The following MRPL15 variants were observed in gnomAD, a reference collection of about 807,000 sequenced individuals.
MRPL15 encodes the protein mitochondrial ribosomal protein L15.
In MRPL15, 24 loss-of-function variants were observed where a neutral mutation model predicts 28.0. That is an observed-to-expected ratio of 0.86 (90% CI 0.62 to 1.21). MRPL15 has a LOEUF of 1.21. Among genes scored for constraint, MRPL15 ranks in the 50% most tolerant of loss-of-function variants. The pLI is 0.00. For synonymous variants in MRPL15, 124 were observed against 137.0 expected, an observed-to-expected ratio of 0.90 and a Z score of 0.66; for missense variants, 343 against 372.4, an observed-to-expected ratio of 0.92 and a Z score of 0.65.
intron 1 of MRPL15, 87 bp downstream of exon 1, chr8:54,135,478 C>A (rs923267086): frequency 8.9e-7 from 1 of 1,123,924 alleles, no homozygotes; most frequent in Non-Finnish European, 1.2e-6. Context: ...GAGAACTGCC[C>A]TTTCTAGGAG....
intron 3 of MRPL15, among the ~76,000 whole-genome samples, chr8:54,140,537 G>C (rs1810904171): frequency 6.8e-6 from 1 of 147,248 alleles, no homozygotes; most frequent in South Asian, 2.2e-4. Flanking sequence ...TGCTAGGATT[G>C]AGTCACCGCA....
chr8:54,146,497 G>A (rs1438893623), intron 4 of MRPL15, among the ~76,000 whole-genome samples: 3 of 151,954 alleles, frequency 2.0e-5, no homozygotes, highest in Non-Finnish European at 4.4e-5. Flanking sequence ...CGCCCTGGTG[G>A]GTGATAGTTA....
chr8:54,137,950 CTTTTTTTTTTG>C (rs1563716002), intron 3 of MRPL15, among the ~76,000 whole-genome samples: 1 of 148,266 alleles, frequency 6.7e-6, no homozygotes, highest in Non-Finnish European at 1.5e-5. Context: ...AGCTTGCCTT[CTTTTTTTTTTG>C]TTTTTGTTTT....
chr8:54,147,476 T>G lies in MRPL15; in HGVS notation c.648T>G (p.Asp216Glu), dbSNP rs1191195368. 2 of 1,614,096 alleles carry G rather than the reference T, an allele frequency of 1.2e-6. No homozygotes were observed. Among genetic ancestry groups the G allele is most frequent in the East Asian group, 2.2e-5 (1 of 44,890 alleles). Residue 216 changes from aspartate (D) to glutamate (E), a missense_variant, in exon 5 of 5, where the codon GAT becomes GAG. Transcript: ENST00000260102. ...PPEELVPYYT[D>E]AKNRGYLADP... ...AAGAACTGGTACCATATTACACTGA[T>G]GCAAAGAACCGTGGGTACCTGGCGG...
Position 54,148,322 on chromosome 8 carries a change from G to A in MRPL15, c.*603G>A, listed in dbSNP as rs564316340. Among the ~76,000 whole-genome samples, 20 of 152,332 alleles carry A rather than the reference G, an allele frequency of 1.3e-4. No individual in the cohort carries two copies. The highest frequency in any genetic ancestry group is 4.8e-4 in the African/African-American group (20 of 41,562). On this transcript the variant is annotated 3_prime_UTR_variant, in exon 5 of 5. Transcript: ENST00000260102. ...ATTTTCTCAATTCTGTGGTAGAAGTGTTACAGGCAGGCCTTTGTTCTTAGA... is the reference window on the plus strand; with the variant it reads ...ATTTTCTCAATTCTGTGGTAGAAGTATTACAGGCAGGCCTTTGTTCTTAGA...
Position 54,147,813 on chromosome 8 carries a change from TC to T in MRPL15, c.*96del. The T allele has an allele frequency of 8.8e-7, 1 of 1,134,264 alleles. No homozygotes were observed. Among genetic ancestry groups the T allele is most frequent in the Non-Finnish European group, 1.2e-6 (1 of 810,846 alleles). The allele number at this position is 1,134,264 out of a possible 1,614,324, so 70.3% of individuals were successfully genotyped here. On this transcript the variant is annotated 3_prime_UTR_variant, in exon 5 of 5. Transcript: ENST00000260102. ...ATTGCATTTTCCTTATGTATAATTTTCCAGATGGTGATGTTACTTTTCAGTG... is the reference window on the plus strand; with the variant it reads ...ATTGCATTTTCCTTATGTATAATTTTCAGATGGTGATGTTACTTTTCAGTG...
At chr8:54,136,408 C>A in intron 1 of MRPL15, 103 bp from the exon 2 acceptor site, 1 of 1,275,664 alleles carries the variant, frequency 7.8e-7, no homozygotes, top group Non-Finnish European at 1.1e-6. Flanking sequence ...TTAGCTAGCA[C>A]TGGTGGGCTG....
chr8:54,136,733 G>T (rs1810834293), intron 2 of MRPL15, 68 bp downstream of exon 2: 2 of 1,512,386 alleles, frequency 1.3e-6, no homozygotes, highest in Admixed American at 4.4e-5. Context: ...AAAATAGTTT[G>T]GTAGAAATTT....
At chr8:54,140,574 C>CTTTTTTTTTTTT (rs71551976) in intron 3 of MRPL15, among the ~76,000 whole-genome samples, 6,984 of 98,856 alleles carry the variant, frequency 0.071, 882 homozygotes, top group East Asian at 0.38. Context: ...ATTTTCTTTT[C>CTTTTTTTTTTTT]TTTTTTTTTT....
chr8:54,147,875 G>A lies in MRPL15; in HGVS notation c.*156G>A. ...TCTCATTTTCATCTAAAATTAAATG[G>A]CAGGAAACAAGGACTGCATAGAGAA... On this transcript the variant is annotated 3_prime_UTR_variant, in exon 5 of 5. Transcript: ENST00000260102. 1.5e-6 allele frequency: 1 copy of A among 676,270 alleles called. No homozygotes were observed. Among genetic ancestry groups the A allele is most frequent in the Non-Finnish European group, 2.4e-6 (1 of 420,286 alleles). 41.9% of individuals were successfully genotyped at this position (676,270 alleles called of 1,614,324 possible). A position where few individuals can be genotyped will look rare whatever the true frequency, so the allele number is the denominator to read the frequency against.
At chr8:54,145,673 A>G (rs1056626326) in intron 4 of MRPL15, among the ~76,000 whole-genome samples, 12 of 152,172 alleles carry the variant, frequency 7.9e-5, no homozygotes, top group African/African-American at 2.6e-4. Flanking sequence ...ATGAGGTCTC[A>G]CTATGTTGCT....
chr8:54,146,034 G>A (rs1811039469), intron 4 of MRPL15, among the ~76,000 whole-genome samples: 1 of 152,202 alleles, frequency 6.6e-6, no homozygotes, highest in Non-Finnish European at 1.5e-5. Flanking sequence ...GCTAGGTGAT[G>A]CAATATATTA....
intron 4 of MRPL15, among the ~76,000 whole-genome samples, chr8:54,144,876 T>A (rs956735554): frequency 3.9e-5 from 6 of 152,204 alleles, no homozygotes; most frequent in African/African-American, 7.2e-5. Context: ...TCACTCAGTT[T>A]TTAGGGTAGG....
At chr8:54,136,882 T>A (rs79293651) in intron 2 of MRPL15, among the ~76,000 whole-genome samples, 1 of 152,318 alleles carries the variant, frequency 6.6e-6, no homozygotes, top group East Asian at 1.9e-4. Flanking sequence ...AAATGGAGAT[T>A]CTAATGCCAG....
intron 3 of MRPL15, among the ~76,000 whole-genome samples, chr8:54,141,071 C>T (rs976993265): frequency 6.6e-5 from 10 of 152,138 alleles, no homozygotes; most frequent in African/African-American, 2.4e-4. Flanking sequence ...CTGCTCCAGC[C>T]TGCATATTCC....
chr8:54,136,662 A>G lies in MRPL15; in HGVS notation c.260A>G (p.His87Arg). 6.2e-7 allele frequency: 1 copy of G among 1,613,374 alleles called. No homozygotes were observed. Among genetic ancestry groups the G allele is most frequent in the Non-Finnish European group, 8.5e-7 (1 of 1,179,580 alleles). The change falls in exon 2 of 5, where the codon CAT (histidine) becomes CGT (arginine). Residue 87 changes from histidine to arginine, a missense_variant. His to Arg is a conservative substitution (Grantham distance 29). Coordinates refer to ENST00000260102, the MANE Select transcript of MRPL15 (RefSeq NM_014175.4). Reference protein sequence around the residue: ...RIPKYGFNEGHSFRRQYKPLS... With the variant: ...RIPKYGFNEGRSFRRQYKPLS... ...CCAAAATACGGGTTTAACGAAGGAC[A>G]TAGGTAAGGTTGCTTTGCTTTTTAA... is the stretch of plus-strand genomic sequence containing the variant.
intron 3 of MRPL15, among the ~76,000 whole-genome samples, chr8:54,138,771 C>T (rs1021483246): frequency 6.6e-6 from 1 of 152,152 alleles, no homozygotes; most frequent in African/African-American, 2.4e-5. Context: ...TCATTGTCTT[C>T]CTCACTAGAA....
At chr8:54,146,997 C>T (rs1166924192) in intron 4 of MRPL15, among the ~76,000 whole-genome samples, 1 of 152,146 alleles carries the variant, frequency 6.6e-6, no homozygotes, top group Non-Finnish European at 1.5e-5. Context: ...CTTTGGGAGG[C>T]CCAGGTGGGT....
chr8:54,135,594 T>TC lies in MRPL15; in HGVS notation c.108+205dup, dbSNP rs1193737681. Among the ~76,000 whole-genome samples the TC allele has an allele frequency of 5.8e-4, 78 of 135,324 alleles. 1 individual carries two copies. The South Asian group carries it at 7.0e-3, about 12-fold the overall frequency. The allele number at this position is 135,324 out of a possible 152,430, so 88.8% of individuals were successfully genotyped here. On this transcript the variant is annotated intron_variant, in intron 1 of 4. Coordinates refer to ENST00000260102, the MANE Select transcript of MRPL15 (RefSeq NM_014175.4). ...TCTTTTTTTTTTTTTTTTTTTTTTT[T>TC]CCGAGACGGAGGCTTGCTCTGTCGC...
Sources: allele counts gnomAD v4.1 joint callset (sites outside exome capture counted in the v4.1 genomes callset), GRCh38; gene constraint gnomAD v4.1.1; transcripts MANE v1.5; gene names NCBI Gene and HGNC (gene_info 2026-07-23, HGNC 2026-07-21).